Variants in EFHC1 observed in about 807,000 individuals in gnomAD.
EFHC1 encodes the protein EF-hand domain-containing protein 1.
Under a neutral mutation model 69.9 loss-of-function variants are expected in EFHC1, and 53 were observed. The observed-to-expected ratio is 0.76, with a 90% CI of 0.61 to 0.95. The LOEUF is 0.95. EFHC1 is among the 40% of genes least tolerant of loss of function. The probability of loss-of-function intolerance (pLI) is 0.00; values close to 1 mark genes in which losing one functional copy is unlikely to be tolerated. For missense variants in EFHC1, 739 were observed against 798.7 expected, an observed-to-expected ratio of 0.93 and a Z score of 0.90; for synonymous variants, 256 against 278.4, an observed-to-expected ratio of 0.92 and a Z score of 0.80.
Position 52,493,048 on chromosome 6 carries a change from T to C in EFHC1, c.*707T>C, listed in dbSNP as rs1431218638. The C allele has an allele frequency of 6.6e-6, 3 of 454,006 alleles. No individual in the cohort carries two copies. The highest frequency in any genetic ancestry group is 1.3e-5 in the Non-Finnish European group (3 of 226,754). 28.1% of individuals were successfully genotyped at this position (454,006 alleles called of 1,614,324 possible). A position where few individuals can be genotyped will look rare whatever the true frequency, so the allele number is the denominator to read the frequency against. On this transcript the variant is annotated 3_prime_UTR_variant, in exon 11 of 11. Coordinates refer to ENST00000371068, the MANE Select transcript of EFHC1 (RefSeq NM_018100.4). Reference sequence around the variant, plus strand: ...GGCCTCCTCCAATCATTTGAAGACATGAGTAGAATAAAAAGGCTGACCTTT... The same window carrying C: ...GGCCTCCTCCAATCATTTGAAGACACGAGTAGAATAAAAAGGCTGACCTTT...
chr6:52,445,133 C>T (rs747123101), intron 3 of EFHC1, among the ~76,000 whole-genome samples: 52 of 150,456 alleles, frequency 3.5e-4, no homozygotes, highest in Non-Finnish European at 6.6e-4. Context: ...TCTGTGGGAT[C>T]GATGGTGATA....
chr6:52,444,897 C>T lies in EFHC1; in HGVS notation c.573+6306C>T, dbSNP rs185930933. 2.8e-3 allele frequency among the ~76,000 whole-genome samples: 428 copies of T among 152,160 alleles called. 2 individuals are homozygous for T. The highest frequency in any genetic ancestry group is 1.0e-2 in the African/African-American group (414 of 41,512). On this transcript the variant is annotated intron_variant, in intron 3 of 10. Transcript: ENST00000371068. Reference sequence around the variant, plus strand: ...TCCTCTTTGTACCTCTGGTAGAATTCGGGTGTGAATCTGTCTGGTCCTGGA... The same window carrying T: ...TCCTCTTTGTACCTCTGGTAGAATTTGGGTGTGAATCTGTCTGGTCCTGGA...
chr6:52,423,908 G>C, intron 1 of EFHC1, 38 bp from the exon 2 acceptor site: 1 of 1,609,532 alleles, frequency 6.2e-7, no homozygotes, highest in East Asian at 2.2e-5. Flanking sequence ...ACAAATATTT[G>C]TCTAATGTTA....
Position 52,420,346 on chromosome 6 carries a change from C to A in EFHC1, c.-65C>A, listed in dbSNP as rs552345969. The A allele has an allele frequency of 1.9e-6, 3 of 1,607,334 alleles. No homozygotes were observed. The Admixed American group carries it at 5.0e-5, about 27-fold the overall frequency. ...ATCCTGGAGGTGCCCGCGAACACTG[C>A]TTGTCGCCTGGGCAACCGGAGAGGA... On this transcript the variant is annotated 5_prime_UTR_variant, in exon 1 of 11. Coordinates refer to ENST00000371068, the MANE Select transcript of EFHC1 (RefSeq NM_018100.4).
chr6:52,471,721 A>AT (rs1765439319), intron 7 of EFHC1, among the ~76,000 whole-genome samples: 1 of 152,058 alleles, frequency 6.6e-6, no homozygotes, highest in Non-Finnish European at 1.5e-5. Flanking sequence ...TACAAAAATT[A>AT]GCCAGGCATG....
chr6:52,430,725 A>G (rs1455278785), intron 2 of EFHC1, among the ~76,000 whole-genome samples: 1 of 152,146 alleles, frequency 6.6e-6, no homozygotes, highest in East Asian at 1.9e-4. Context: ...GCCTTCATAG[A>G]ATGATTTATG....
chr6:52,490,195 A>G lies in EFHC1; in HGVS notation c.1696A>G (p.Ile566Val), dbSNP rs557334703. The change falls in exon 10 of 11, where the codon ATT (isoleucine) becomes GTT (valine). Residue 566 changes from isoleucine (I) to valine (V), a missense_variant. Transcript: ENST00000371068. ...GGAATTGGAAGCATTAATAGACACA[A>G]TTCAGAAGCAACTGAAAGATCACTC... ...VQELEALIDT[I>V]QKQLKDHSCK... The G allele has an allele frequency of 2.5e-6, 4 of 1,614,144 alleles. No homozygotes were observed. Among genetic ancestry groups the G allele is most frequent in the African/African-American group, 1.3e-5 (1 of 75,046 alleles).
chr6:52,453,201 G>A, intron 4 of EFHC1: 3 of 1,304,902 alleles, frequency 2.3e-6, no homozygotes, highest in Non-Finnish European at 3.0e-6. Flanking sequence ...ACCATAAATC[G>A]ATTATTAGGA....
At chr6:52,467,264 G>A (rs574356381) in intron 6 of EFHC1, among the ~76,000 whole-genome samples, 1 of 149,718 alleles carries the variant, frequency 6.7e-6, no homozygotes, top group Non-Finnish European at 1.5e-5. Flanking sequence ...TCACTGCAAC[G>A]TCCACCTCCC....
At chr6:52,453,961 C>A in intron 4 of EFHC1, 134 bp from the exon 5 acceptor site, 2 of 1,520,564 alleles carry the variant, frequency 1.3e-6, no homozygotes, top group African/African-American at 1.4e-5. Context: ...CTTTTTTTTT[C>A]AATTTACCCC....
At chr6:52,431,652 G>A (rs371697986) in intron 2 of EFHC1, among the ~76,000 whole-genome samples, 8 of 152,198 alleles carry the variant, frequency 5.3e-5, no homozygotes, top group South Asian at 2.1e-4. Flanking sequence ...AGTTCTATGC[G>A]CTGTTGAATA....
chr6:52,447,776 G>A (rs1024087276), intron 3 of EFHC1, among the ~76,000 whole-genome samples: 3 of 152,184 alleles, frequency 2.0e-5, no homozygotes, highest in African/African-American at 4.8e-5. Context: ...CTGTTTGTTA[G>A]TTTTCCTTCT....
intron 9 of EFHC1, 63 bp downstream of exon 9, chr6:52,479,850 AC>A: frequency 6.2e-7 from 1 of 1,600,062 alleles, no homozygotes; most frequent in Non-Finnish European, 8.5e-7. Flanking sequence ...TCTTGAGAAA[AC>A]AAATGAGTAA....
Position 52,495,381 on chromosome 6 carries a change from T to C in EFHC1, c.*3040T>C, listed in dbSNP as rs1185885154. The C allele has an allele frequency of 1.5e-5, 7 of 454,144 alleles. No individual in the cohort carries two copies. Among genetic ancestry groups the C allele is most frequent in the Non-Finnish European group, 2.2e-5 (5 of 226,800 alleles). 28.1% of individuals were successfully genotyped at this position (454,144 alleles called of 1,614,324 possible). On this transcript the variant is annotated 3_prime_UTR_variant, in exon 11 of 11. Transcript: ENST00000371068. ...CCAGCCCCTTTCAAGAAGCTTGCAC[T>C]TTCTGATATTTTCTCCATCACTCTT...
rs774861961 is a variant in EFHC1 at position 52,495,753 on chromosome 6, A to G, written c.*3412A>G. On this transcript the variant is annotated 3_prime_UTR_variant, in exon 11 of 11. Transcript: ENST00000371068. Reference sequence around the variant, plus strand: ...GTAGTCTCAGAGGGAACTGTCTTCAATAAAGTTGGCACTGTCCACATACAC... The same window carrying G: ...GTAGTCTCAGAGGGAACTGTCTTCAGTAAAGTTGGCACTGTCCACATACAC... 33 of 372,034 alleles carry G rather than the reference A, an allele frequency of 8.9e-5. No homozygotes were observed. Among genetic ancestry groups the G allele is most frequent in the East Asian group, 2.9e-4 (4 of 13,886 alleles). The allele number at this position is 372,034 out of a possible 1,614,324, so 23.0% of individuals were successfully genotyped here. A position where few individuals can be genotyped will look rare whatever the true frequency, so the allele number is the denominator to read the frequency against.
intron 9 of EFHC1, chr6:52,484,061 A>G (rs1765736949): frequency 6.6e-6 from 1 of 152,210 alleles, no homozygotes; most frequent in African/African-American, 2.4e-5. Context: ...CATAGAATAA[A>G]TAGCATGTTT....
intron 3 of EFHC1, among the ~76,000 whole-genome samples, chr6:52,444,033 T>C (rs1425597102): frequency 6.6e-6 from 1 of 152,192 alleles, no homozygotes; most frequent in Non-Finnish European, 1.5e-5. Context: ...CCTAGGCATT[T>C]TATTCTCTTT....
At chr6:52,427,637 A>G (rs1562443318) in intron 2 of EFHC1, among the ~76,000 whole-genome samples, 1 of 151,748 alleles carries the variant, frequency 6.6e-6, no homozygotes, top group East Asian at 1.9e-4. Flanking sequence ...ACCTGAGTGT[A>G]TACTTCATGA....
chr6:52,422,916 A>C (rs1341953250), intron 1 of EFHC1, among the ~76,000 whole-genome samples: 3 of 152,218 alleles, frequency 2.0e-5, no homozygotes, highest in African/African-American at 7.2e-5. Flanking sequence ...TATTTTCACC[A>C]GGTTGCCACG....
Sources: allele counts gnomAD v4.1 joint callset (sites outside exome capture counted in the v4.1 genomes callset), GRCh38; gene constraint gnomAD v4.1.1; transcripts MANE v1.5; gene names NCBI Gene and HGNC (gene_info 2026-07-23, HGNC 2026-07-21).